Variants in PCOLCE2 observed in about 807,000 individuals in gnomAD.
PCOLCE2 encodes the protein procollagen C-endopeptidase enhancer 2.
Under a neutral mutation model 47.0 loss-of-function variants are expected in PCOLCE2, and 42 were observed. That is an observed-to-expected ratio of 0.89 (90% CI 0.70 to 1.16). The LOEUF (loss-of-function observed/expected upper bound fraction) is 1.16. Ranked by LOEUF, PCOLCE2 falls within the 50% of genes most tolerant of loss-of-function variation. The pLI is 0.00. For missense variants in PCOLCE2, 500 were observed against 526.1 expected, an observed-to-expected ratio of 0.95 and a Z score of 0.49; for synonymous variants, 169 against 191.7, an observed-to-expected ratio of 0.88 and a Z score of 0.98.
At chr3:142,871,479 T>G (rs1578048792) in intron 2 of PCOLCE2, among the ~76,000 whole-genome samples, 1 of 152,222 alleles carries the variant, frequency 6.6e-6, no homozygotes, top group Non-Finnish European at 1.5e-5. Context: ...CTATAGGAAG[T>G]GCTTATTCAA....
At chr3:142,856,892 CTT>C (rs34805543) in intron 2 of PCOLCE2, among the ~76,000 whole-genome samples, 83 of 131,454 alleles carry the variant, frequency 6.3e-4, no homozygotes, top group South Asian at 4.2e-3. Context: ...TAAACAGGAG[CTT>C]TTTTTTTTTT....
chr3:142,860,616 C>T (rs564529078), intron 2 of PCOLCE2, among the ~76,000 whole-genome samples: 94 of 152,304 alleles, frequency 6.2e-4, no homozygotes, highest in African/African-American at 2.1e-3. Context: ...CCATGTTGGT[C>T]AGGCTGGTCT....
At chr3:142,869,870 G>A (rs1933352198) in intron 2 of PCOLCE2, among the ~76,000 whole-genome samples, 1 of 152,132 alleles carries the variant, frequency 6.6e-6, no homozygotes, top group African/African-American at 2.4e-5. Context: ...CAACCAACTG[G>A]GGCACATGTT....
At chr3:142,859,014 C>A (rs72994562) in intron 2 of PCOLCE2, among the ~76,000 whole-genome samples, 1 of 151,782 alleles carries the variant, frequency 6.6e-6, no homozygotes, top group Non-Finnish European at 1.5e-5. Flanking sequence ...TGAGGGAGAC[C>A]TTTCCCATTA....
At chr3:142,852,665 G>A (rs1168100064) in intron 2 of PCOLCE2, among the ~76,000 whole-genome samples, 1 of 149,982 alleles carries the variant, frequency 6.7e-6, no homozygotes, top group East Asian at 1.9e-4. Flanking sequence ...GTGTGTGTGT[G>A]TGTGTGTGTA....
intron 2 of PCOLCE2, among the ~76,000 whole-genome samples, chr3:142,885,573 G>A (rs991142697): frequency 2.0e-5 from 3 of 152,184 alleles, no homozygotes; most frequent in African/African-American, 7.2e-5. Context: ...CTTCTAGCTG[G>A]TGCCACTATA....
At chr3:142,883,427 C>CT (rs1209213510) in intron 2 of PCOLCE2, among the ~76,000 whole-genome samples, 85 of 150,568 alleles carry the variant, frequency 5.6e-4, no homozygotes, top group African/African-American at 1.8e-3. Context: ...ATGTCTTTTT[C>CT]TTTTTTTTTG....
intron 2 of PCOLCE2, among the ~76,000 whole-genome samples, chr3:142,869,868 T>TG: frequency 6.6e-6 from 1 of 152,324 alleles, no homozygotes; most frequent in Middle Eastern, 3.4e-3. Flanking sequence ...CCCAACCAAC[T>TG]GGGGCACATG....
chr3:142,872,197 A>G (rs1933405172), intron 2 of PCOLCE2, among the ~76,000 whole-genome samples: 1 of 152,210 alleles, frequency 6.6e-6, no homozygotes, highest in Admixed American at 6.5e-5. Context: ...TTTGGGGACT[A>G]GAAGCAGTGA....
intron 2 of PCOLCE2, chr3:142,863,933 A>T (rs1933230560): frequency 6.6e-6 from 1 of 152,212 alleles, no homozygotes; most frequent in Admixed American, 6.5e-5. Context: ...AAGAAAAGAC[A>T]GTGAATCATT....
intron 2 of PCOLCE2, among the ~76,000 whole-genome samples, chr3:142,870,451 T>C (rs1933367346): frequency 6.6e-6 from 1 of 152,182 alleles, no homozygotes; most frequent in African/African-American, 2.4e-5. Flanking sequence ...CAATAATAAA[T>C]TACTGATTTC....
chr3:142,827,501 C>T (rs780187259), intron 6 of PCOLCE2: 246 of 1,497,190 alleles, frequency 1.6e-4, no homozygotes, highest in Non-Finnish European at 2.0e-4. Context: ...CAGCTTGCTA[C>T]GGCCTCCAGG....
intron 2 of PCOLCE2, among the ~76,000 whole-genome samples, chr3:142,858,432 T>G (rs140297127): frequency 6.6e-6 from 1 of 152,286 alleles, no homozygotes; most frequent in Non-Finnish European, 1.5e-5. Flanking sequence ...TTGCTATTTA[T>G]TTGTTTTGCA....
chr3:142,870,847 A>G (rs1933375218), intron 2 of PCOLCE2, among the ~76,000 whole-genome samples: 1 of 152,208 alleles, frequency 6.6e-6, no homozygotes, highest in South Asian at 2.1e-4. Flanking sequence ...CTTTAAAGAC[A>G]TGGACTCACA....
chr3:142,851,289 C>T (rs1180737759), intron 2 of PCOLCE2, among the ~76,000 whole-genome samples: 3 of 152,176 alleles, frequency 2.0e-5, no homozygotes, highest in Non-Finnish European at 4.4e-5. Flanking sequence ...GACCTCTCTG[C>T]ATGGTGGCGA....
rs1937005067 is a variant in PCOLCE2, at chr3:142,820,888, G to C, written c.1107C>G (p.Leu369=). The C allele has an allele frequency of 6.2e-7, 1 of 1,612,654 alleles. No homozygotes were observed. The highest frequency in any genetic ancestry group is 8.5e-7 in the Non-Finnish European group (1 of 1,178,822). The change falls in exon 8 of 9, where the codon CTC becomes CTG. Residue 369 remains leucine (L), a synonymous_variant. Coordinates refer to ENST00000295992, the MANE Select transcript of PCOLCE2 (RefSeq NM_013363.4). ...TTTCTCCCTACTCACCTCTTCTGAG[G>C]AGAGGGCACTGCTTGCAGACGACAG... ...RLTVVCKQCP[L]LRRGLNYIIM...
intron 2 of PCOLCE2, among the ~76,000 whole-genome samples, chr3:142,856,892 CT>C (rs34805543): frequency 0.11 from 14,593 of 131,294 alleles, 1,046 homozygotes; most frequent in African/African-American, 0.23. Context: ...TAAACAGGAG[CT>C]TTTTTTTTTT....
At chr3:142,827,886 C>A (rs1191028771) in intron 6 of PCOLCE2, among the ~76,000 whole-genome samples, 1 of 152,238 alleles carries the variant, frequency 6.6e-6, no homozygotes, top group Non-Finnish European at 1.5e-5. Flanking sequence ...TTCTCTACCT[C>A]TGTGAACAGT....
chr3:142,825,709 T>A (rs532474037), intron 6 of PCOLCE2, among the ~76,000 whole-genome samples: 1 of 152,342 alleles, frequency 6.6e-6, no homozygotes, highest in East Asian at 1.9e-4. Flanking sequence ...AGCCCTGGCC[T>A]GTCTTTACTT....
Sources: gnomAD v4.1 joint callset for allele counts (sites outside exome capture counted in the v4.1 genomes callset) on GRCh38, gnomAD v4.1.1 for gene constraint, MANE v1.5 for transcripts, NCBI Gene and HGNC (gene_info 2026-07-23, HGNC 2026-07-21) for gene names.